ZSWIM6: variants seen among roughly 807,000 people sequenced by gnomAD.
ZSWIM6 encodes zinc finger SWIM-type containing 6.
Under a neutral mutation model 113.2 loss-of-function variants are expected in ZSWIM6, and 9 were observed. The observed-to-expected ratio is 0.08, with a 90% CI of 0.05 to 0.14. The LOEUF (loss-of-function observed/expected upper bound fraction) is 0.14, where lower values mean the gene tolerates loss of function less well. ZSWIM6 is among the 10% of genes least tolerant of loss of function. The pLI is 1.00. For missense variants in ZSWIM6, 1,162 were observed against 1,552.2 expected, an observed-to-expected ratio of 0.75 and a Z score of 4.22; for synonymous variants, 611 against 606.5, an observed-to-expected ratio of 1.01 and a Z score of -0.11.
At chr5:61,511,986 A>G (rs1370975380) in intron 4 of ZSWIM6, among the ~76,000 whole-genome samples, 1 of 152,156 alleles carries the variant, frequency 6.6e-6, no homozygotes, top group African/African-American at 2.4e-5. Flanking sequence ...TATAAAATAC[A>G]TACATACTGT....
At chr5:61,396,067 C>T (rs567914348) in intron 1 of ZSWIM6, among the ~76,000 whole-genome samples, 8 of 152,214 alleles carry the variant, frequency 5.3e-5, no homozygotes, top group East Asian at 1.9e-4. Context: ...TGGAGGCAGA[C>T]GTGATCTTGG....
chr5:61,384,025 A>T (rs1183883763), intron 1 of ZSWIM6, among the ~76,000 whole-genome samples: 1 of 149,298 alleles, frequency 6.7e-6, no homozygotes, highest in Non-Finnish European at 1.5e-5. Context: ...GTGGATCATG[A>T]GGTCAGGAGA....
At chr5:61,378,835 C>T (rs371583000) in intron 1 of ZSWIM6, among the ~76,000 whole-genome samples, 7 of 152,014 alleles carry the variant, frequency 4.6e-5, no homozygotes, top group Non-Finnish European at 8.8e-5. Flanking sequence ...GGATTACAGG[C>T]GTGAGCCACC....
chr5:61,378,835 C>A (rs371583000), intron 1 of ZSWIM6, among the ~76,000 whole-genome samples: 1 of 152,014 alleles, frequency 6.6e-6, no homozygotes, highest in Non-Finnish European at 1.5e-5. Flanking sequence ...GGATTACAGG[C>A]GTGAGCCACC....
intron 2 of ZSWIM6, among the ~76,000 whole-genome samples, chr5:61,487,478 T>C (rs1016104701): frequency 1.3e-5 from 2 of 152,092 alleles, no homozygotes; most frequent in African/African-American, 4.8e-5. Context: ...GTAGATTGCT[T>C]TGGGCAATAG....
chr5:61,390,126 T>C (rs1745673371), intron 1 of ZSWIM6, among the ~76,000 whole-genome samples: 1 of 152,232 alleles, frequency 6.6e-6, no homozygotes, highest in African/African-American at 2.4e-5. Flanking sequence ...CGTCTGCCTG[T>C]CTACGTATAC....
intron 8 of ZSWIM6, among the ~76,000 whole-genome samples, chr5:61,530,882 G>T (rs774622320): frequency 2.2e-4 from 33 of 152,204 alleles, no homozygotes; most frequent in Admixed American, 4.6e-4. Flanking sequence ...TGTCAGGAGG[G>T]TGAAAGGCAT....
At chr5:61,391,101 C>A in intron 1 of ZSWIM6, 1 of 745,534 alleles carries the variant, frequency 1.3e-6, no homozygotes, top group Non-Finnish European at 2.5e-6. Flanking sequence ...GGGCAGGATG[C>A]TGTGTCCCAG....
chr5:61,336,896 T>C (rs1443982494), intron 1 of ZSWIM6, among the ~76,000 whole-genome samples: 1 of 152,136 alleles, frequency 6.6e-6, no homozygotes, highest in Non-Finnish European at 1.5e-5. Context: ...AGAAGAGAGA[T>C]GGATAACCCA....
At chr5:61,419,968 A>AT (rs1357108713) in intron 1 of ZSWIM6, among the ~76,000 whole-genome samples, 1 of 152,244 alleles carries the variant, frequency 6.6e-6, no homozygotes, top group Non-Finnish European at 1.5e-5. Flanking sequence ...AGAAACATGG[A>AT]TTTGGGTTAA....
chr5:61,496,625 T>G (rs921016953), intron 4 of ZSWIM6, among the ~76,000 whole-genome samples: 6 of 152,128 alleles, frequency 3.9e-5, no homozygotes, highest in Admixed American at 3.9e-4. Context: ...TCTGCAGGCT[T>G]CTGGCTGTGA....
chr5:61,336,686 C>T (rs531158250), intron 1 of ZSWIM6, among the ~76,000 whole-genome samples: 13 of 152,072 alleles, frequency 8.5e-5, no homozygotes, highest in African/African-American at 2.9e-4. Flanking sequence ...ACCCGGGAAG[C>T]GGAGGTTGCA....
At chr5:61,517,025 A>G (rs1036241530) in intron 4 of ZSWIM6, among the ~76,000 whole-genome samples, 8 of 152,006 alleles carry the variant, frequency 5.3e-5, no homozygotes, top group African/African-American at 1.9e-4. Flanking sequence ...TCAAGTCACT[A>G]TTCTTCTATG....
At chr5:61,481,994 A>G (rs1747877702) in intron 2 of ZSWIM6, among the ~76,000 whole-genome samples, 1 of 152,216 alleles carries the variant, frequency 6.6e-6, no homozygotes, top group Admixed American at 6.5e-5. Flanking sequence ...GGACCATTTA[A>G]TTTACATACA....
chr5:61,332,530 G>A lies in ZSWIM6; in HGVS notation c.258G>A (p.Ala86=), dbSNP rs754460843. The A allele has an allele frequency of 1.3e-5, 17 of 1,338,724 alleles. 1 individual carries two copies. In the South Asian group the frequency reaches 1.8e-4, roughly 14 times the overall value. The allele number at this position is 1,338,724 out of a possible 1,614,324, so 82.9% of individuals were successfully genotyped here. The change falls in exon 1 of 14, where the codon GCG becomes GCA. Residue 86 remains alanine (A), a synonymous_variant. Coordinates refer to ENST00000252744, the MANE Select transcript of ZSWIM6 (RefSeq NM_020928.2). ...SLLDIAARRV[A]EKWPFQRVEE... is the part of the protein sequence containing the mutation. ...TGGACATCGCGGCGCGCAGGGTGGC[G>A]GAGAAGTGGCCGTTCCAGCGCGTGG...
intron 12 of ZSWIM6, among the ~76,000 whole-genome samples, chr5:61,540,766 G>T (rs1448644330): frequency 6.6e-6 from 1 of 151,982 alleles, no homozygotes; most frequent in East Asian, 1.9e-4. Flanking sequence ...GGAATTCATG[G>T]TAAATAGGAT....
chr5:61,484,413 A>C (rs551477058), intron 2 of ZSWIM6, among the ~76,000 whole-genome samples: 4 of 152,328 alleles, frequency 2.6e-5, no homozygotes, highest in African/African-American at 9.6e-5. Flanking sequence ...GTGGAAATGG[A>C]TGGTCAGTAG....
intron 1 of ZSWIM6, among the ~76,000 whole-genome samples, chr5:61,355,966 A>T (rs1744898582): frequency 6.6e-6 from 1 of 152,082 alleles, no homozygotes; most frequent in Non-Finnish European, 1.5e-5. Flanking sequence ...TTGGTCTCAT[A>T]ATAAGTTCTT....
At chr5:61,411,384 T>A (rs1477774448) in intron 1 of ZSWIM6, among the ~76,000 whole-genome samples, 1 of 152,206 alleles carries the variant, frequency 6.6e-6, no homozygotes, top group East Asian at 1.9e-4. Context: ...GAAGTCTTGA[T>A]ATTAGTGAAG....
Sources: gnomAD v4.1 joint callset for allele counts (sites outside exome capture counted in the v4.1 genomes callset) on GRCh38, gnomAD v4.1.1 for gene constraint, MANE v1.5 for transcripts, NCBI Gene and HGNC (gene_info 2026-07-23, HGNC 2026-07-21) for gene names.